The following CSMD1 variants were observed in gnomAD, a reference collection of about 807,000 sequenced individuals.
CSMD1 encodes the protein CUB and sushi domain-containing protein 1.
In CSMD1, 213 loss-of-function variants were observed where a neutral mutation model predicts 417.5. The observed-to-expected ratio is 0.51, with a 90% CI of 0.46 to 0.57. CSMD1 has a LOEUF of 0.57. Among genes scored for constraint, CSMD1 ranks in the 20% least tolerant of loss-of-function variants. CSMD1 has a pLI of 0.00. For synonymous variants in CSMD1, 2,862 were observed against 1,736.8 expected (o/e 1.65, Z -16.11); for missense variants, 6,923 against 4,529.7 (o/e 1.53, Z -15.17).
At chr8:3,837,314 C>T (rs560134368) in intron 5 of CSMD1, among the ~76,000 whole-genome samples, 1 of 152,194 alleles carries the variant, frequency 6.6e-6, no homozygotes, top group African/African-American at 2.4e-5. Context: ...AATTAGATTG[C>T]AACTAGTATT....
intron 14 of CSMD1, among the ~76,000 whole-genome samples, chr8:3,406,569 T>A (rs941178546): frequency 6.6e-6 from 1 of 152,150 alleles, no homozygotes; most frequent in Admixed American, 6.5e-5. Context: ...TGACTTTTTT[T>A]CTTACTATGT....
At chr8:3,780,161 C>G (rs1799100492) in intron 5 of CSMD1, among the ~76,000 whole-genome samples, 1 of 152,184 alleles carries the variant, frequency 6.6e-6, no homozygotes, top group African/African-American at 2.4e-5. Context: ...ATAGTATGCA[C>G]AAATCCAATA....
At chr8:4,078,896 A>AATAAAT (rs1440142755) in intron 3 of CSMD1, among the ~76,000 whole-genome samples, 5 of 43,548 alleles carry the variant, frequency 1.1e-4, no homozygotes, top group African/African-American at 3.4e-4. Context: ...AATAATAATA[A>AATAAAT]ATATATATAT....
intron 41 of CSMD1, among the ~76,000 whole-genome samples, chr8:3,140,972 G>A (rs758260562): frequency 2.0e-5 from 3 of 152,068 alleles, no homozygotes; most frequent in Non-Finnish European, 2.9e-5. Flanking sequence ...AACAATGCAG[G>A]TACCCATTAT....
intron 3 of CSMD1, among the ~76,000 whole-genome samples, chr8:4,222,485 G>A (rs565277995): frequency 4.7e-4 from 72 of 152,184 alleles, no homozygotes; most frequent in African/African-American, 1.7e-3. Flanking sequence ...CAGTAAGTCA[G>A]TCAATAATAT....
intron 3 of CSMD1, among the ~76,000 whole-genome samples, chr8:4,272,285 A>G (rs1445319546): frequency 6.6e-6 from 1 of 152,202 alleles, no homozygotes; most frequent in African/African-American, 2.4e-5. Context: ...ACTTATAAAT[A>G]GAAAAACATT....
intron 3 of CSMD1, among the ~76,000 whole-genome samples, chr8:4,132,246 T>C (rs1405240008): frequency 1.4e-5 from 2 of 147,930 alleles, no homozygotes; most frequent in Non-Finnish European, 3.0e-5. Context: ...TTCTAACATC[T>C]AGCACTGCTG....
chr8:3,447,933 C>T (rs1371316320), intron 12 of CSMD1, among the ~76,000 whole-genome samples: 1 of 152,098 alleles, frequency 6.6e-6, no homozygotes, highest in Non-Finnish European at 1.5e-5. Context: ...TTTTCTCTGT[C>T]ATTTACAGAC....
intron 3 of CSMD1, among the ~76,000 whole-genome samples, chr8:4,054,520 T>C (rs1798593249): frequency 6.6e-6 from 1 of 152,124 alleles, no homozygotes; most frequent in Non-Finnish European, 1.5e-5. Flanking sequence ...ACACCCTACC[T>C]CATCCAATTA....
At chr8:3,090,396 A>G (rs974620307) in intron 48 of CSMD1, among the ~76,000 whole-genome samples, 6 of 150,658 alleles carry the variant, frequency 4.0e-5, no homozygotes, top group Non-Finnish European at 7.4e-5. Context: ...AAATCCCATC[A>G]TTGCATCGAT....
rs569925061 is a variant in CSMD1 at position 4,698,740 on chromosome 8, C to G, written c.86-61182G>C. ...CACCTTCTCCCTTCCTTCTTACCTACTAAACTCTCTGCCCCTTAAAAAAAA... is the reference window on the plus strand; with the variant it reads ...CACCTTCTCCCTTCCTTCTTACCTAGTAAACTCTCTGCCCCTTAAAAAAAA... On this transcript the variant is annotated intron_variant, in intron 1 of 69. Transcript: ENST00000635120. Among the ~76,000 whole-genome samples the G allele has an allele frequency of 2.9e-4, 38 of 129,718 alleles. No individual in the cohort carries two copies. The South Asian group carries it at 3.3e-3, about 11-fold the overall frequency. The allele number at this position is 129,718 out of a possible 152,430, so 85.1% of individuals were successfully genotyped here.
At position 2,937,317 on chromosome 8, in the gene CSMD1, T is replaced by C. The variant is rs1234927758; in HGVS notation, c.*1268A>G. The C allele has an allele frequency of 1.3e-5, 2 of 152,070 alleles. No homozygotes were observed. Among genetic ancestry groups the C allele is most frequent in the Non-Finnish European group, 2.9e-5 (2 of 68,016 alleles). 9.4% of individuals were successfully genotyped at this position (152,070 alleles called of 1,614,324 possible). ...GTGAGAGGAGAGTGTGTGTACTTTT[T>C]CCTTCCCTCTAAAAGAACACTTGGT... On this transcript the variant is annotated 3_prime_UTR_variant, in exon 70 of 70. Coordinates refer to ENST00000635120, the MANE Select transcript of CSMD1 (RefSeq NM_033225.6).
rs145202906 is a variant in CSMD1, at chr8:4,834,396, C to T, written c.85+159936G>A. On this transcript the variant is annotated intron_variant, in intron 1 of 69. Transcript: ENST00000635120. ...GTTAGGAGAGATATAAGCAATATAG[C>T]TCTAAGTCCTAACAATATTATGAAA... Among the ~76,000 whole-genome samples, 406 of 152,134 alleles carry T rather than the reference C, an allele frequency of 2.7e-3. 1 individual carries two copies. The highest frequency in any genetic ancestry group is 9.5e-3 in the African/African-American group (394 of 41,490).
At chr8:3,463,667 C>T (rs767408092) in intron 12 of CSMD1, among the ~76,000 whole-genome samples, 5 of 152,194 alleles carry the variant, frequency 3.3e-5, no homozygotes, top group Non-Finnish European at 4.4e-5. Context: ...TGCACTTGGA[C>T]GCTGTTCAAT....
intron 52 of CSMD1, among the ~76,000 whole-genome samples, chr8:3,010,547 C>G (rs1229303443): frequency 6.6e-6 from 1 of 152,122 alleles, no homozygotes; most frequent in Non-Finnish European, 1.5e-5. Flanking sequence ...CACTCCGCAT[C>G]TATGCTGTTG....
At chr8:3,652,846 G>A (rs868369798) in intron 7 of CSMD1, among the ~76,000 whole-genome samples, 2 of 152,146 alleles carry the variant, frequency 1.3e-5, no homozygotes, top group South Asian at 2.1e-4. Flanking sequence ...TACCGTATTG[G>A]CAGAACCTAG....
rs1326895195 is a variant in CSMD1 at position 4,981,549 on chromosome 8, A to T, written c.85+12783T>A. On this transcript the variant is annotated intron_variant, in intron 1 of 69. Coordinates refer to ENST00000635120, the MANE Select transcript of CSMD1 (RefSeq NM_033225.6). Reference sequence around the variant, plus strand: ...GCTTTCAATCAATTATACACTTGGGAATCTTTTCCTACATTTATTATTTAT... The same window carrying T: ...GCTTTCAATCAATTATACACTTGGGTATCTTTTCCTACATTTATTATTTAT... 2.0e-5 allele frequency among the ~76,000 whole-genome samples: 3 copies of T among 152,316 alleles called. No homozygotes were observed. In the East Asian group the frequency reaches 5.8e-4, roughly 29 times the overall value.
At chr8:4,077,295 G>GTATATATATATATATATATA (rs1253192594) in intron 3 of CSMD1, among the ~76,000 whole-genome samples, 3,457 of 88,076 alleles carry the variant, frequency 0.039, 88 homozygotes, top group South Asian at 0.086. Context: ...ATATATATAT[G>GTATATATATATATATATATA]TGTATATATA....
chr8:4,624,905 T>A (rs1585349924), intron 2 of CSMD1, among the ~76,000 whole-genome samples: 1 of 152,150 alleles, frequency 6.6e-6, no homozygotes, highest in African/African-American at 2.4e-5. Flanking sequence ...ACTGGCATTC[T>A]TTTTTAAAAT....
Sources: gnomAD v4.1 joint callset for allele counts (sites outside exome capture counted in the v4.1 genomes callset) on GRCh38, gnomAD v4.1.1 for gene constraint, MANE v1.5 for transcripts, NCBI Gene and HGNC (gene_info 2026-07-23, HGNC 2026-07-21) for gene names.